Variants in NRP2 observed in about 807,000 individuals in gnomAD.
NRP2 encodes the protein neuropilin 2, also known as neuropilin-2.
In NRP2, 52 loss-of-function variants were observed where a neutral mutation model predicts 110.4. That is an observed-to-expected ratio of 0.47 (90% CI 0.38 to 0.59). The LOEUF is 0.59. Among genes scored for constraint, NRP2 ranks in the 20% least tolerant of loss-of-function variants. The pLI is 0.00. For missense variants in NRP2, 1,049 were observed against 1,203.0 expected (o/e 0.87, Z 1.89); for synonymous variants, 508 against 468.9 (o/e 1.08, Z -1.08).
At position 205,763,757 on chromosome 2, in the gene NRP2, C is replaced by A; in HGVS notation, c.2128C>A (p.Pro710Thr). 1 of 1,614,214 alleles carries A rather than the reference C, an allele frequency of 6.2e-7. No individual in the cohort carries two copies. The highest frequency in any genetic ancestry group is 8.5e-7 in the Non-Finnish European group (1 of 1,180,032). ...ARLISPPVHLPRSPVCMEFQY... is the reference protein window; with the variant it reads ...ARLISPPVHLTRSPVCMEFQY... ...GCTCATCAGCCCCCCTGTCCACCTG[C>A]CCCGAAGCCCGGTGTGCATGGAGTT... is the stretch of plus-strand genomic sequence containing the variant. Residue 710 changes from proline to threonine, a missense_variant, in exon 13 of 17, where the codon CCC becomes ACC. Transcript: ENST00000357785. The surrounding 1 kb of genome is among the most constrained non-coding windows in gnomAD (Gnocchi z 4.0).
intron 11 of NRP2, among the ~76,000 whole-genome samples, chr2:205,750,197 C>T (rs2057618563): frequency 6.6e-6 from 1 of 152,212 alleles, no homozygotes; most frequent in South Asian, 2.1e-4. Flanking sequence ...GAATTCACAG[C>T]TCTGATAGTT....
At chr2:205,764,023 C>A in intron 13 of NRP2, 87 bp downstream of exon 13, 1 of 1,526,022 alleles carries the variant, frequency 6.6e-7, no homozygotes, top group Admixed American at 1.7e-5. Flanking sequence ...CGTGGTTAAG[C>A]GCTACTGTTT....
chr2:205,726,065 A>C lies in NRP2; in HGVS notation c.973A>C (p.Asn325His). 6.2e-7 allele frequency: 1 copy of C among 1,614,232 alleles called. No homozygotes were observed. The highest frequency in any genetic ancestry group is 1.3e-5 in the African/African-American group (1 of 75,064). ...TGGCTGGACCCCCAACTTGGATTCCAACAAGGAGTATCTCCAGGTACTTGT... is the reference window on the plus strand; with the variant it reads ...TGGCTGGACCCCCAACTTGGATTCCCACAAGGAGTATCTCCAGGTACTTGT... Reference protein sequence around the residue: ...DNGWTPNLDSNKEYLQVDLRF... With the variant: ...DNGWTPNLDSHKEYLQVDLRF... The change falls in exon 6 of 17, where the codon AAC becomes CAC. Residue 325 changes from asparagine to histidine, a missense_variant. Physicochemically the swap from Asn to His is moderately conservative, Grantham distance 68. Transcript: ENST00000357785.
At chr2:205,755,156 T>C (rs977535862) in intron 12 of NRP2, among the ~76,000 whole-genome samples, 10 of 152,274 alleles carry the variant, frequency 6.6e-5, no homozygotes, top group African/African-American at 2.4e-4. Context: ...CCCCTATGGT[T>C]GACCTTTGCT....
At chr2:205,783,890 C>A (rs778525511) in intron 15 of NRP2, among the ~76,000 whole-genome samples, 1 of 151,850 alleles carries the variant, frequency 6.6e-6, no homozygotes, top group Non-Finnish European at 1.5e-5. Context: ...CTTTCCCTGA[C>A]CTGCCAAAAA....
At position 205,686,194 on chromosome 2, in the gene NRP2, G is replaced by T. The variant is rs2056157093; in HGVS notation, c.73+2831G>T. On this transcript the variant is annotated intron_variant, in intron 1 of 16. Coordinates refer to ENST00000357785, the MANE Select transcript of NRP2 (RefSeq NM_003872.3). This position sits in a 1 kb window ranked among gnomAD's most constrained non-coding sequence, Gnocchi z 4.7. ...GGCTGAAGCCTCCGCGAAGTTGGCC[G>T]CCTCCAACTACTCCATGCTTGTGCC... Among the ~76,000 whole-genome samples the T allele has an allele frequency of 6.6e-6, 1 of 152,078 alleles. No individual in the cohort carries two copies.
At chr2:205,700,863 G>A (rs1319884304) in intron 2 of NRP2, 12 of 421,658 alleles carry the variant, frequency 2.8e-5, no homozygotes, top group Non-Finnish European at 4.8e-5. Context: ...TTGGGGGCCT[G>A]TATAGAAGCT....
At chr2:205,746,105 A>G (rs1381910673) in intron 10 of NRP2, among the ~76,000 whole-genome samples, 1 of 152,088 alleles carries the variant, frequency 6.6e-6, no homozygotes, top group African/African-American at 2.4e-5. Flanking sequence ...TTTTTAAGGG[A>G]TCATTTCAGT....
At chr2:205,794,610 TG>T in intron 16 of NRP2, 143 bp from the exon 17 acceptor site, 1 of 838,904 alleles carries the variant, frequency 1.2e-6, no homozygotes, top group Non-Finnish European at 2.0e-6. Context: ...GCGGCCAGGC[TG>T]GGCTTTGAAC....
Position 205,763,920 on chromosome 2 carries a change from A to G in NRP2, c.2291A>G (p.Tyr764Cys). 1 of 1,614,118 alleles carries G rather than the reference A, an allele frequency of 6.2e-7. No individual in the cohort carries two copies. The highest frequency in any genetic ancestry group is 8.5e-7 in the Non-Finnish European group (1 of 1,179,984). Residue 764 changes from tyrosine to cysteine, a missense_variant, in exon 13 of 17, where the codon TAC becomes TGC. Physicochemically the swap from Tyr to Cys is radical, Grantham distance 194. Coordinates refer to ENST00000357785, the MANE Select transcript of NRP2 (RefSeq NM_003872.3). The surrounding 1 kb of genome is among the most constrained non-coding windows in gnomAD (Gnocchi z 4.0). ...WKHGRIILPS[Y>C]DMEYQIVFEG... ...CACGGGCGGATCATCCTGCCCAGCT[A>G]CGACATGGAGTACCAGGTGGGGTGA... is the stretch of plus-strand genomic sequence containing the variant.
rs1308050656 is a variant in NRP2, at chr2:205,686,966, T to C, written c.73+3603T>C. Among the ~76,000 whole-genome samples, 2 of 152,130 alleles carry C rather than the reference T, an allele frequency of 1.3e-5. No homozygotes were observed. Among genetic ancestry groups the C allele is most frequent in the East Asian group, 3.9e-4 (2 of 5,190 alleles). On this transcript the variant is annotated intron_variant, in intron 1 of 16. Transcript: ENST00000357785. This position sits in a 1 kb window ranked among gnomAD's most constrained non-coding sequence, Gnocchi z 4.7. ...GGTTTTGCTCAGAAAATCATTCAAGTCCTGACAATGGGTTTCTTCAAATGG... is the reference window on the plus strand; with the variant it reads ...GGTTTTGCTCAGAAAATCATTCAAGCCCTGACAATGGGTTTCTTCAAATGG...
chr2:205,733,332 G>T (rs902117110), intron 7 of NRP2, among the ~76,000 whole-genome samples: 2 of 152,172 alleles, frequency 1.3e-5, no homozygotes, highest in African/African-American at 4.8e-5. Context: ...CAAGGCCCCG[G>T]CTGTGCACAG....
intron 7 of NRP2, among the ~76,000 whole-genome samples, chr2:205,738,602 C>G (rs1040118650): frequency 2.0e-5 from 3 of 152,168 alleles, no homozygotes; most frequent in Admixed American, 2.0e-4. Context: ...CTTCCCTTTG[C>G]TTGGCTTTTC....
Position 205,745,836 on chromosome 2 carries a change from T to G in NRP2, c.1732T>G (p.Trp578Gly). The G allele has an allele frequency of 6.2e-7, 1 of 1,614,044 alleles. No individual in the cohort carries two copies. The change falls in exon 10 of 17, where the codon TGG becomes GGG. Residue 578 changes from tryptophan (W) to glycine (G), a missense_variant. Trp to Gly is a radical substitution (Grantham distance 184). Transcript: ENST00000357785. ...GTATGTGCGGGTATACCCGGAGAGG[T>G]GGTCGCCGGCGGGGATTGGGATGCG... ...AQYVRVYPERWSPAGIGMRLE... is the reference protein window; with the variant it reads ...AQYVRVYPERGSPAGIGMRLE...
At chr2:205,737,261 G>A (rs1271985497) in intron 7 of NRP2, among the ~76,000 whole-genome samples, 1 of 152,214 alleles carries the variant, frequency 6.6e-6, no homozygotes, top group East Asian at 1.9e-4. Context: ...AAGCACTTAG[G>A]CTGTAAGGGA....
At chr2:205,748,111 C>T (rs552108448) in intron 10 of NRP2, among the ~76,000 whole-genome samples, 1 of 152,174 alleles carries the variant, frequency 6.6e-6, no homozygotes, top group Non-Finnish European at 1.5e-5. Context: ...ACGCCCTGCC[C>T]TCCGGTGCCT....
At chr2:205,734,479 A>G (rs1050237965) in intron 7 of NRP2, among the ~76,000 whole-genome samples, 3 of 143,558 alleles carry the variant, frequency 2.1e-5, no homozygotes, top group African/African-American at 7.7e-5. Flanking sequence ...ACAGGATGGC[A>G]TTCATTGATT....
chr2:205,785,141 A>C (rs917683860), intron 15 of NRP2, among the ~76,000 whole-genome samples: 1 of 152,204 alleles, frequency 6.6e-6, no homozygotes, highest in African/African-American at 2.4e-5. Context: ...GGACCTACAA[A>C]ATAAAAGGGG....
intron 11 of NRP2, 28 bp downstream of exon 11, chr2:205,749,869 TG>T: frequency 6.4e-7 from 1 of 1,558,148 alleles, no homozygotes; most frequent in African/African-American, 1.4e-5. Context: ...CCAGATGGCA[TG>T]GGTGCGGACT....
Sources: gnomAD v4.1 joint callset for allele counts (sites outside exome capture counted in the v4.1 genomes callset) on GRCh38, gnomAD v4.1.1 for gene constraint, Gnocchi (gnomAD v3.1) non-coding constraint, MANE v1.5 for transcripts, NCBI Gene and HGNC (gene_info 2026-07-23, HGNC 2026-07-21) for gene names.